CAMTA1: variants seen among roughly 807,000 people sequenced by gnomAD.
CAMTA1 encodes calmodulin binding transcription activator 1.
CAMTA1 carries 27 observed loss-of-function variants against 170.9 expected under a neutral mutation model. The ratio of observed to expected loss-of-function variants is 0.16; its 90% confidence interval spans 0.12 to 0.22. The LOEUF (loss-of-function observed/expected upper bound fraction) is 0.22. CAMTA1 is among the 10% of genes least tolerant of loss of function. The pLI is 1.00. For synonymous variants in CAMTA1, 833 were observed against 891.5 expected (o/e 0.93, Z 1.17); for missense variants, 1,619 against 2,217.2 (o/e 0.73, Z 5.42).
chr1:7,545,361 A>T (rs535964091), intron 6 of CAMTA1, among the ~76,000 whole-genome samples: 4 of 152,368 alleles, frequency 2.6e-5, no homozygotes, highest in African/African-American at 9.6e-5. Flanking sequence ...AAATCAGGAA[A>T]CAAACATTGA....
intron 4 of CAMTA1, among the ~76,000 whole-genome samples, chr1:7,101,567 A>G (rs887067064): frequency 5.9e-5 from 9 of 152,320 alleles, no homozygotes; most frequent in African/African-American, 1.9e-4. Context: ...AAGGAAGGAA[A>G]TCTTTTCTGG....
intron 3 of CAMTA1, among the ~76,000 whole-genome samples, chr1:6,958,919 G>A (rs941848699): frequency 2.6e-5 from 4 of 152,148 alleles, no homozygotes; most frequent in Non-Finnish European, 4.4e-5. Context: ...CTTCGCACAC[G>A]TAATGAGAAG....
intron 1 of CAMTA1, chr1:6,807,036 G>A (rs1644596416): frequency 4.5e-6 from 3 of 670,534 alleles, no homozygotes; most frequent in Non-Finnish European, 8.2e-6. Context: ...GGGGGAGACG[G>A]ACATTAATCA....
intron 5 of CAMTA1, among the ~76,000 whole-genome samples, chr1:7,287,246 G>A (rs929706093): frequency 1.3e-5 from 2 of 152,160 alleles, no homozygotes; most frequent in Non-Finnish European, 2.9e-5. Flanking sequence ...GGGCCCAAGG[G>A]CGCCCCTGTG....
chr1:7,590,545 G>A (rs1473630375), intron 6 of CAMTA1, among the ~76,000 whole-genome samples: 1 of 152,230 alleles, frequency 6.6e-6, no homozygotes, highest in Non-Finnish European at 1.5e-5. Context: ...CTTGGAGGGT[G>A]GTTCATGAGG....
At chr1:7,486,388 C>T (rs1200067846) in intron 6 of CAMTA1, among the ~76,000 whole-genome samples, 2 of 152,224 alleles carry the variant, frequency 1.3e-5, no homozygotes, top group Non-Finnish European at 2.9e-5. Context: ...CAGGCCAGCT[C>T]CAACAACCCA....
At chr1:6,828,476 GAGAC>G (rs986182294) in intron 3 of CAMTA1, among the ~76,000 whole-genome samples, 1 of 151,804 alleles carries the variant, frequency 6.6e-6, no homozygotes, top group African/African-American at 2.4e-5. Context: ...ATTTTTAGTA[GAGAC>G]AGGGTTTTAC....
intron 5 of CAMTA1, among the ~76,000 whole-genome samples, chr1:7,257,085 G>GGGGGGGT (rs1667524562): frequency 6.6e-6 from 1 of 151,454 alleles, no homozygotes; most frequent in Non-Finnish European, 1.5e-5. Context: ...GCGGGGGCGG[G>GGGGGGGT]GGTTGGTTTT....
intron 3 of CAMTA1, among the ~76,000 whole-genome samples, chr1:7,055,149 G>A (rs995346583): frequency 6.6e-6 from 1 of 152,114 alleles, no homozygotes; most frequent in African/African-American, 2.4e-5. Context: ...TAACACCAGG[G>A]ATAACAATTT....
At chr1:7,231,988 A>G (rs893701463) in intron 4 of CAMTA1, among the ~76,000 whole-genome samples, 1 of 152,218 alleles carries the variant, frequency 6.6e-6, no homozygotes, top group Non-Finnish European at 1.5e-5. Context: ...CAGCCTGCCA[A>G]CTTTCATGTT....
chr1:7,716,576 A>G (rs770742633), intron 11 of CAMTA1, among the ~76,000 whole-genome samples: 5 of 152,210 alleles, frequency 3.3e-5, no homozygotes, highest in Non-Finnish European at 7.3e-5. Flanking sequence ...AGAATCCAGT[A>G]TTCAGAAAAA....
chr1:7,557,383 A>C (rs894763692), intron 6 of CAMTA1, among the ~76,000 whole-genome samples: 1 of 151,578 alleles, frequency 6.6e-6, no homozygotes, highest in Admixed American at 6.6e-5. Context: ...GGCCAAGCGG[A>C]CAGACCAGCT....
intron 3 of CAMTA1, among the ~76,000 whole-genome samples, chr1:6,984,216 G>C (rs1460072148): frequency 6.7e-6 from 1 of 150,342 alleles, no homozygotes; most frequent in Non-Finnish European, 1.5e-5. Context: ...TGATGGGTGG[G>C]TGGAAGGCTG....
intron 3 of CAMTA1, among the ~76,000 whole-genome samples, chr1:7,045,137 T>C (rs1317981619): frequency 6.6e-6 from 1 of 152,108 alleles, no homozygotes; most frequent in Non-Finnish European, 1.5e-5. Flanking sequence ...AAAATCCTCC[T>C]AAGGACCCCG....
chr1:7,105,623 G>A (rs146110761), intron 4 of CAMTA1, among the ~76,000 whole-genome samples: 1 of 152,186 alleles, frequency 6.6e-6, no homozygotes, highest in Non-Finnish European at 1.5e-5. Flanking sequence ...GAATGATAAG[G>A]TGCATATGCC....
In CAMTA1 at chr1:7,426,932, A is replaced by G. The variant is rs2091899503; in HGVS notation, c.439-40898A>G. Among the ~76,000 whole-genome samples the G allele has an allele frequency of 6.6e-6, 1 of 152,160 alleles. No individual in the cohort carries two copies. Among genetic ancestry groups the G allele is most frequent in the Non-Finnish European group, 1.5e-5 (1 of 68,028 alleles). On this transcript the variant is annotated intron_variant, in intron 5 of 22. Transcript: ENST00000303635. This position sits in a 1 kb window ranked among gnomAD's most constrained non-coding sequence, Gnocchi z 4.8. The stretch of plus-strand genomic sequence containing the variant: ...GTTTTTAGTAATTTATCAGGCCACC[A>G]GCAAGGCCTTTTTGCTCAGCGGTGG...
chr1:7,621,374 A>G (rs1189319248), intron 6 of CAMTA1, among the ~76,000 whole-genome samples: 4 of 152,232 alleles, frequency 2.6e-5, no homozygotes, highest in African/African-American at 9.6e-5. Context: ...AGAATTTTCA[A>G]CAGGGGCTGT....
intron 1 of CAMTA1, among the ~76,000 whole-genome samples, chr1:6,812,624 T>G (rs1645314656): frequency 6.6e-6 from 1 of 152,256 alleles, no homozygotes; most frequent in Non-Finnish European, 1.5e-5. Context: ...GCTCTTTGAT[T>G]ATTTTCAGAC....
rs544027653 is a variant in CAMTA1, at chr1:7,663,777, C to T, written c.1230C>T (p.Tyr410=). Reference sequence around the variant, plus strand: ...CAGAGGTCACCAATGAGGCCGTGTACACCATGTCCCCCACCGCTGGCCCCA... The same window carrying T: ...CAGAGGTCACCAATGAGGCCGTGTATACCATGTCCCCCACCGCTGGCCCCA... ...FMSEVTNEAV[Y]TMSPTAGPNH... Residue 410 remains tyrosine (Y), a synonymous_variant, in exon 9 of 23, where the codon TAC becomes TAT. Coordinates refer to ENST00000303635, the MANE Select transcript of CAMTA1 (RefSeq NM_015215.4). The T allele has an allele frequency of 3.4e-4, 552 of 1,614,134 alleles. 7 individuals are homozygous for T. In the South Asian group the frequency reaches 5.5e-3, roughly 16 times the overall value.
Sources: allele counts gnomAD v4.1 joint callset (sites outside exome capture counted in the v4.1 genomes callset), GRCh38; gene constraint gnomAD v4.1.1; non-coding constraint Gnocchi (gnomAD v3.1); transcripts MANE v1.5; gene names NCBI Gene and HGNC (gene_info 2026-07-23, HGNC 2026-07-21).